SLC4A5: variants seen among roughly 807,000 people sequenced by gnomAD.
SLC4A5 encodes the protein solute carrier family 4 member 5.
A neutral mutation model predicts 120.4 loss-of-function variants in SLC4A5; 96 were observed. The observed-to-expected ratio is 0.80, with a 90% CI of 0.68 to 0.94. The LOEUF is 0.94. SLC4A5 is among the 40% of genes least tolerant of loss of function. The pLI is 0.00. For synonymous variants in SLC4A5, 550 were observed against 571.1 expected, an observed-to-expected ratio of 0.96 and a Z score of 0.53; for missense variants, 1,259 against 1,459.5, an observed-to-expected ratio of 0.86 and a Z score of 2.24.
intron 6 of SLC4A5, among the ~76,000 whole-genome samples, chr2:74,305,810 C>A (rs1244869539): frequency 6.6e-6 from 1 of 151,228 alleles, no homozygotes; most frequent in Non-Finnish European, 1.5e-5. Flanking sequence ...CTGCAACCTC[C>A]CCTTCCCAGG....
chr2:74,300,761 C>T (rs772765636), intron 7 of SLC4A5, among the ~76,000 whole-genome samples: 5 of 152,198 alleles, frequency 3.3e-5, no homozygotes, highest in East Asian at 1.9e-4. Flanking sequence ...CTCCAAGGAG[C>T]TCTGACATGA....
intron 26 of SLC4A5, 96 bp from the exon 27 acceptor site, chr2:74,227,226 G>A: frequency 7.3e-7 from 1 of 1,378,440 alleles, no homozygotes; most frequent in Non-Finnish European, 9.8e-7. Flanking sequence ...GGGTCTCAGA[G>A]AGGGGAAGCC....
intron 2 of SLC4A5, chr2:74,339,430 T>A (rs1387908279): frequency 6.6e-6 from 1 of 152,196 alleles, no homozygotes; most frequent in African/African-American, 2.4e-5. Context: ...TTTAAATTTT[T>A]AAAAAAGAAA....
chr2:74,329,944 TG>T, intron 4 of SLC4A5, among the ~76,000 whole-genome samples: 1 of 151,012 alleles, frequency 6.6e-6, no homozygotes, highest in African/African-American at 2.4e-5. Context: ...GAGGTGGAGA[TG>T]GAGATGGTGA....
chr2:74,221,986 A>G (rs897024248), intron 29 of SLC4A5, among the ~76,000 whole-genome samples: 2 of 151,986 alleles, frequency 1.3e-5, no homozygotes, highest in Admixed American at 6.6e-5. Flanking sequence ...CAGTAATATA[A>G]TCTCCCAGGA....
intron 26 of SLC4A5, 127 bp downstream of exon 26, chr2:74,227,683 T>G (rs910314374): frequency 1.7e-6 from 2 of 1,162,104 alleles, no homozygotes; most frequent in African/African-American, 3.1e-5. Flanking sequence ...ATTATTACTA[T>G]TATTCTTTCA....
chr2:74,274,345 T>C (rs1053925957), intron 8 of SLC4A5, among the ~76,000 whole-genome samples: 1 of 152,252 alleles, frequency 6.6e-6, no homozygotes. Context: ...GGCCCATTCT[T>C]ACAATTTATT....
chr2:74,328,109 T>A lies in SLC4A5; in HGVS notation c.-3+11A>T, dbSNP rs1162128161. 1.6e-5 allele frequency: 16 copies of A among 985,762 alleles called. No homozygotes were observed. The highest frequency in any genetic ancestry group is 1.9e-5 in the Non-Finnish European group (16 of 829,918). 61.1% of individuals were successfully genotyped at this position (985,762 alleles called of 1,614,324 possible). A position where few individuals can be genotyped will look rare whatever the true frequency, so the allele number is the denominator to read the frequency against. ...GTCTACTTTCTCTGAAGCTTCCAGC[T>A]GCAAACTTACCTTTGTGTTCTTAGC... On this transcript the variant is annotated intron_variant, in intron 5 of 30. Coordinates refer to ENST00000394019, the Ensembl canonical transcript of SLC4A5.
intron 19 of SLC4A5, among the ~76,000 whole-genome samples, chr2:74,244,440 C>T (rs1383283674): frequency 7.2e-6 from 1 of 139,060 alleles, no homozygotes; most frequent in East Asian, 2.4e-4. Flanking sequence ...TCTTTCCTTT[C>T]CTTTCTTTTC....
chr2:74,329,490 G>A lies in SLC4A5; in HGVS notation c.-69-1304C>T, dbSNP rs184895996. Among the ~76,000 whole-genome samples the A allele has an allele frequency of 3.0e-3, 450 of 152,310 alleles. 3 individuals are homozygous for A. The highest frequency in any genetic ancestry group is 0.011 in the African/African-American group (442 of 41,556). ...TGTAATCCCAGCTACTCAGGAGGCT[G>A]AGGCAGGAGAATTGCTTGAACCCAG... On this transcript the variant is annotated intron_variant, in intron 4 of 30. Transcript: ENST00000394019.
intron 7 of SLC4A5, among the ~76,000 whole-genome samples, chr2:74,300,757 G>C (rs1672455850): frequency 6.6e-6 from 1 of 152,172 alleles, no homozygotes; most frequent in Non-Finnish European, 1.5e-5. Context: ...TTTTCTCCAA[G>C]GAGCTCTGAC....
At chr2:74,326,231 A>T (rs187419243) in intron 5 of SLC4A5, among the ~76,000 whole-genome samples, 31 of 152,360 alleles carry the variant, frequency 2.0e-4, no homozygotes, top group African/African-American at 5.3e-4. Context: ...TAACCAGTAC[A>T]ATCATCCACT....
chr2:74,256,830 T>A (rs927398326), intron 12 of SLC4A5, among the ~76,000 whole-genome samples: 5 of 152,142 alleles, frequency 3.3e-5, no homozygotes, highest in Non-Finnish European at 7.3e-5. Context: ...GAGACAGAGA[T>A]AATTTTGTCG....
At chr2:74,330,841 A>G (rs1409225060) in intron 4 of SLC4A5, among the ~76,000 whole-genome samples, 353 of 31,538 alleles carry the variant, frequency 0.011, no homozygotes, top group Middle Eastern at 0.029. Context: ...ATGGAGGTGT[A>G]TGGTGTAGGT....
intron 16 of SLC4A5, chr2:74,250,774 G>A (rs1670766459): frequency 2.4e-6 from 1 of 422,528 alleles, no homozygotes; most frequent in Admixed American, 3.8e-5. Flanking sequence ...AATATGTCCT[G>A]GGGTAGACCT....
intron 17 of SLC4A5, 101 bp downstream of exon 17, chr2:74,250,242 T>C: frequency 8.4e-7 from 1 of 1,188,422 alleles, no homozygotes; most frequent in Non-Finnish European, 1.2e-6. Flanking sequence ...ACCTGGATGG[T>C]AGATGAAACC....
chr2:74,242,008 T>C lies in SLC4A5; in HGVS notation c.2104A>G (p.Thr702Ala), dbSNP rs371155338. The C allele has an allele frequency of 1.6e-5, 26 of 1,605,914 alleles. No homozygotes were observed. The African/African-American group carries it at 2.7e-4, about 17-fold the overall frequency. ...AAAGGACTTACCAGAGAAGCGTTGGTGTCTGGTGCCAATGGGGCTGAAGCA... is the reference window on the plus strand; with the variant it reads ...AAAGGACTTACCAGAGAAGCGTTGGCGTCTGGTGCCAATGGGGCTGAAGCA... The change falls in exon 20 of 31, where the codon ACC (threonine) becomes GCC (alanine). Residue 702 changes from threonine (T) to alanine (A), a missense_variant. Coordinates refer to ENST00000394019, the Ensembl canonical transcript of SLC4A5.
chr2:74,284,951 C>A (rs1477352499), intron 8 of SLC4A5, among the ~76,000 whole-genome samples: 1 of 152,194 alleles, frequency 6.6e-6, no homozygotes, highest in African/African-American at 2.4e-5. Flanking sequence ...CCTGGCACAC[C>A]TTCTCCTTCC....
intron 29 of SLC4A5, 68 bp downstream of exon 29, chr2:74,222,800 A>G: frequency 7.2e-7 from 1 of 1,380,716 alleles, no homozygotes; most frequent in South Asian, 1.2e-5. Context: ...GTTACAGATG[A>G]AAGTTCCTAG....
Sources: gnomAD v4.1 joint callset for allele counts (sites outside exome capture counted in the v4.1 genomes callset) on GRCh38, gnomAD v4.1.1 for gene constraint, MANE v1.5 for transcripts, NCBI Gene and HGNC (gene_info 2026-07-23, HGNC 2026-07-21) for gene names.